The following LDLRAD4 variants were observed in gnomAD, a reference collection of about 807,000 sequenced individuals.
LDLRAD4 encodes the protein low-density lipoprotein receptor class A domain-containing protein 4.
A neutral mutation model predicts 17.0 loss-of-function variants in LDLRAD4; 5 were observed. The observed-to-expected ratio is 0.29, with a 90% CI of 0.15 to 0.62. The LOEUF is 0.62. Ranked by LOEUF, LDLRAD4 falls within the 20% of genes least tolerant of loss-of-function variation. LDLRAD4 has a pLI of 0.84. For synonymous variants in LDLRAD4, 168 were observed against 171.8 expected (o/e 0.98, Z 0.17); for missense variants, 340 against 424.7 (o/e 0.80, Z 1.75).
At chr18:13,495,268 C>T (rs2093443876) in intron 3 of LDLRAD4, among the ~76,000 whole-genome samples, 1 of 152,164 alleles carries the variant, frequency 6.6e-6, no homozygotes, top group Non-Finnish European at 1.5e-5. Flanking sequence ...GGTTTCAGTT[C>T]CAGGGCCAGC....
At chr18:13,310,333 T>C (rs2047163137) in intron 1 of LDLRAD4, among the ~76,000 whole-genome samples, 1 of 151,172 alleles carries the variant, frequency 6.6e-6, no homozygotes, top group African/African-American at 2.4e-5. Flanking sequence ...CCAGCCTGGG[T>C]GACAGAGTGA....
intron 2 of LDLRAD4, among the ~76,000 whole-genome samples, chr18:13,397,582 C>T (rs913396269): frequency 6.6e-6 from 1 of 152,182 alleles, no homozygotes; most frequent in Non-Finnish European, 1.5e-5. Context: ...TGTCTGACTT[C>T]TTAGGAAAAT....
intron 1 of LDLRAD4, among the ~76,000 whole-genome samples, chr18:13,344,515 A>G (rs200287824): frequency 1.3e-5 from 2 of 152,086 alleles, no homozygotes; most frequent in African/African-American, 2.4e-5. Context: ...GTCAGGTAGC[A>G]TGATGCCTCC....
At chr18:13,411,270 G>GA (rs886401869) in intron 2 of LDLRAD4, among the ~76,000 whole-genome samples, 2 of 149,938 alleles carry the variant, frequency 1.3e-5, no homozygotes, top group East Asian at 2.0e-4. Context: ...AAAAAAGAAA[G>GA]AAAAAAAAGT....
chr18:13,427,686 G>T (rs1479519444), intron 2 of LDLRAD4, among the ~76,000 whole-genome samples: 1 of 152,182 alleles, frequency 6.6e-6, no homozygotes, highest in Non-Finnish European at 1.5e-5. Flanking sequence ...AAAAAGCCTA[G>T]CTATTTATGA....
At chr18:13,591,561 C>T (rs1327469192) in intron 3 of LDLRAD4, among the ~76,000 whole-genome samples, 1 of 152,136 alleles carries the variant, frequency 6.6e-6, no homozygotes, top group African/African-American at 2.4e-5. Flanking sequence ...TGATTCTTAA[C>T]CTTGCCTACT....
At chr18:13,305,620 GA>G (rs1212399169) in intron 1 of LDLRAD4, among the ~76,000 whole-genome samples, 1 of 152,196 alleles carries the variant, frequency 6.6e-6, no homozygotes, top group East Asian at 1.9e-4. Context: ...AAGAAGCAGA[GA>G]AAAGTCATGA....
intron 3 of LDLRAD4, among the ~76,000 whole-genome samples, chr18:13,569,296 C>T (rs75229201): frequency 0.013 from 1,951 of 152,284 alleles, 43 homozygotes; most frequent in African/African-American, 0.045. Flanking sequence ...AGACTCTGAA[C>T]TATTAGCTCC....
At chr18:13,348,584 T>A (rs976792057) in intron 1 of LDLRAD4, among the ~76,000 whole-genome samples, 1 of 152,140 alleles carries the variant, frequency 6.6e-6, no homozygotes, top group African/African-American at 2.4e-5. Context: ...GGAGAACCAC[T>A]ACTGTCTTCC....
chr18:13,406,412 C>T (rs2087756407), intron 2 of LDLRAD4, among the ~76,000 whole-genome samples: 1 of 152,176 alleles, frequency 6.6e-6, no homozygotes. Flanking sequence ...ATGTGCAGTG[C>T]TCCCTGGGCA....
chr18:13,382,195 A>C (rs2085421588), intron 1 of LDLRAD4, among the ~76,000 whole-genome samples: 1 of 152,256 alleles, frequency 6.6e-6, no homozygotes, highest in African/African-American at 2.4e-5. Context: ...TTTGGAAAAA[A>C]GGCTGTTTCA....
intron 3 of LDLRAD4, among the ~76,000 whole-genome samples, chr18:13,517,987 G>A (rs910737797): frequency 6.6e-6 from 1 of 152,218 alleles, no homozygotes; most frequent in Non-Finnish European, 1.5e-5. Context: ...GCCCGCCTCG[G>A]CCTCCCAAAG....
At chr18:13,437,116 C>A (rs769561242) in intron 2 of LDLRAD4, among the ~76,000 whole-genome samples, 8 of 152,200 alleles carry the variant, frequency 5.3e-5, no homozygotes, top group Non-Finnish European at 1.2e-4. Context: ...CGATGCCCAG[C>A]CTTTTATTTG....
chr18:13,387,712 C>CG, exon 2 of LDLRAD4: 1 of 1,613,702 alleles, frequency 6.2e-7, no homozygotes, highest in Non-Finnish European at 8.5e-7. Flanking sequence ...CAGGCTTGTC[C>CG]GGGGAGCAGT....
chr18:13,549,085 G>A lies in LDLRAD4; in HGVS notation c.182-72032G>A, dbSNP rs148107923. Among the ~76,000 whole-genome samples the A allele has an allele frequency of 3.9e-3, 592 of 152,306 alleles. 4 individuals are homozygous for A. Among genetic ancestry groups the A allele is most frequent in the African/African-American group, 0.012 (480 of 41,570 alleles). ...GCTTTTGTCACAAATGGATGCTGGTGTGTGCCTCACAAAGTCATAGTTGCA... is the reference window on the plus strand; with the variant it reads ...GCTTTTGTCACAAATGGATGCTGGTATGTGCCTCACAAAGTCATAGTTGCA... On this transcript the variant is annotated intron_variant, in intron 3 of 5. Coordinates refer to ENST00000359446, the Ensembl canonical transcript of LDLRAD4.
chr18:13,468,349 A>G (rs896884219), intron 3 of LDLRAD4, among the ~76,000 whole-genome samples: 13 of 152,178 alleles, frequency 8.5e-5, no homozygotes, highest in Non-Finnish European at 1.2e-4. Context: ...GTCAGGAAAC[A>G]ACAGGTGCTG....
At chr18:13,291,782 C>T (rs1258619454) in intron 1 of LDLRAD4, among the ~76,000 whole-genome samples, 1 of 152,174 alleles carries the variant, frequency 6.6e-6, no homozygotes, top group Non-Finnish European at 1.5e-5. Context: ...GTAATTTTCT[C>T]TTGCATTCTT....
At chr18:13,541,527 G>T (rs145765310) in intron 3 of LDLRAD4, among the ~76,000 whole-genome samples, 1 of 152,212 alleles carries the variant, frequency 6.6e-6, no homozygotes, top group African/African-American at 2.4e-5. Flanking sequence ...AGCTTCCTTT[G>T]TGAGACATGA....
At chr18:13,612,673 C>T (rs776244520) in intron 3 of LDLRAD4, 4 of 1,613,790 alleles carry the variant, frequency 2.5e-6, no homozygotes, top group Non-Finnish European at 3.4e-6. Context: ...GGCTGCGTCA[C>T]AGTTGGACTC....
Sources: allele counts gnomAD v4.1 joint callset (sites outside exome capture counted in the v4.1 genomes callset), GRCh38; gene constraint gnomAD v4.1.1; transcripts MANE v1.5; gene names NCBI Gene and HGNC (gene_info 2026-07-23, HGNC 2026-07-21).